UST: variants seen among roughly 807,000 people sequenced by gnomAD.
UST encodes uronyl 2-sulfotransferase, also known as chondroitin sulfate 2-O-sulfotransferase.
In UST, 21 loss-of-function variants were observed where a neutral mutation model predicts 45.6. The ratio of observed to expected loss-of-function variants is 0.46; its 90% CI spans 0.33 to 0.66. The LOEUF is 0.66. Ranked by LOEUF, UST falls within the 30% of genes least tolerant of loss-of-function variation. The pLI is 0.02. For missense variants in UST, 463 were observed against 512.4 expected, an observed-to-expected ratio of 0.90 and a Z score of 0.93; for synonymous variants, 215 against 200.6, an observed-to-expected ratio of 1.07 and a Z score of -0.61.
chr6:148,882,701 G>A (rs776103629), intron 1 of UST, among the ~76,000 whole-genome samples: 11 of 152,256 alleles, frequency 7.2e-5, no homozygotes, highest in Admixed American at 2.6e-4. Context: ...GCCTGTATGG[G>A]TTTGAATTCC....
chr6:148,960,037 C>T (rs530675097), intron 4 of UST, among the ~76,000 whole-genome samples: 1 of 152,090 alleles, frequency 6.6e-6, no homozygotes, highest in East Asian at 1.9e-4. Context: ...ACCTGTAATC[C>T]CAGCACTTTG....
In UST at chr6:148,789,447, TCTCTCTCACACACACA is replaced by T. The variant is rs1370523793; in HGVS notation, c.247+41772_247+41787del. 2.7e-4 allele frequency among the ~76,000 whole-genome samples: 35 copies of T among 130,388 alleles called. No individual in the cohort carries two copies. In the Admixed American group the frequency reaches 2.7e-3, roughly 10 times the overall value. 85.5% of individuals were successfully genotyped at this position (130,388 alleles called of 152,430 possible). The stretch of plus-strand genomic sequence containing the variant: ...GCAGATCTCTCTCTCTCTCTCTCTC[TCTCTCTCACACACACA>T]CACACACACACACACACACACTTTC... On this transcript the variant is annotated intron_variant, in intron 1 of 7. Coordinates refer to ENST00000367463, the MANE Select transcript of UST (RefSeq NM_005715.3).
At chr6:148,874,091 G>A (rs1349750987) in intron 1 of UST, among the ~76,000 whole-genome samples, 2 of 152,242 alleles carry the variant, frequency 1.3e-5, no homozygotes, top group African/African-American at 4.8e-5. Flanking sequence ...TTCCACAGGT[G>A]AGATCAGTTG....
chr6:149,019,267 C>G, intron 6 of UST, 31 bp downstream of exon 6: 1 of 1,556,116 alleles, frequency 6.4e-7, no homozygotes, highest in Middle Eastern at 1.7e-4. Context: ...ATGGCATGCA[C>G]GTACGCACAA....
intron 5 of UST, among the ~76,000 whole-genome samples, chr6:149,000,108 G>T (rs1344223555): frequency 6.6e-6 from 1 of 152,098 alleles, no homozygotes; most frequent in African/African-American, 2.4e-5. Context: ...CCAACAAGAG[G>T]GCCAGACCAG....
chr6:149,064,220 C>T (rs1776699356), intron 7 of UST, among the ~76,000 whole-genome samples: 2 of 152,266 alleles, frequency 1.3e-5, no homozygotes, highest in South Asian at 4.1e-4. Flanking sequence ...AGACTGTGAG[C>T]TCCATCCACT....
chr6:148,827,499 A>T (rs1034168625), intron 1 of UST, among the ~76,000 whole-genome samples: 3 of 151,978 alleles, frequency 2.0e-5, no homozygotes, highest in Admixed American at 2.0e-4. Flanking sequence ...CATGCCTGTA[A>T]TCCCAACTCA....
At chr6:148,882,486 CAA>C (rs397741900) in intron 1 of UST, among the ~76,000 whole-genome samples, 9,256 of 74,020 alleles carry the variant, frequency 0.13, 289 homozygotes, top group East Asian at 0.38. Context: ...AACTCCATCT[CAA>C]AAAAAAAAAA....
rs555918880 is a variant in UST, at chr6:149,001,972, T to TA, written c.682-17159dup. 3.9e-5 allele frequency among the ~76,000 whole-genome samples: 6 copies of TA among 152,202 alleles called. No homozygotes were observed. In the South Asian group the frequency reaches 1.2e-3, roughly 32 times the overall value. ...AAAAAATTTAATCAAGTTTGAATGT[T>TA]AAAAAAAATTTAATGACTTTTCCAT... On this transcript the variant is annotated intron_variant, in intron 5 of 7. Coordinates refer to ENST00000367463, the MANE Select transcript of UST (RefSeq NM_005715.3).
chr6:148,996,324 T>G (rs890542086), intron 5 of UST, among the ~76,000 whole-genome samples: 2 of 152,154 alleles, frequency 1.3e-5, no homozygotes, highest in African/African-American at 2.4e-5. Flanking sequence ...GTTCAAGTGA[T>G]TCTCCTCCCT....
intron 1 of UST, among the ~76,000 whole-genome samples, chr6:148,789,992 T>TTC: frequency 8.6e-6 from 1 of 116,028 alleles, no homozygotes. Flanking sequence ...CAGGATTCTT[T>TTC]TTTTTTTTTT....
chr6:148,970,951 CAG>C (rs1266050286), intron 5 of UST, among the ~76,000 whole-genome samples: 1 of 152,214 alleles, frequency 6.6e-6, no homozygotes, highest in Non-Finnish European at 1.5e-5. Flanking sequence ...CTCACATTTG[CAG>C]AGTCCTTTTT....
intron 5 of UST, among the ~76,000 whole-genome samples, chr6:149,018,197 A>G (rs1196167251): frequency 1.3e-5 from 2 of 152,172 alleles, no homozygotes; most frequent in Admixed American, 6.5e-5. Flanking sequence ...CCCAATTTGA[A>G]CTAAAAAAAT....
chr6:149,039,623 AAGGC>A (rs979048773), intron 7 of UST, among the ~76,000 whole-genome samples: 2 of 152,220 alleles, frequency 1.3e-5, no homozygotes, highest in Non-Finnish European at 2.9e-5. Context: ...TAGCTGGTGC[AAGGC>A]AGAGTCTGTC....
intron 7 of UST, among the ~76,000 whole-genome samples, chr6:149,035,885 T>C (rs1485011454): frequency 6.6e-6 from 1 of 152,200 alleles, no homozygotes; most frequent in Non-Finnish European, 1.5e-5. Flanking sequence ...GGAAAAATAT[T>C]TGTTAGTGAT....
intron 7 of UST, among the ~76,000 whole-genome samples, chr6:149,041,496 T>G (rs977841526): frequency 6.6e-6 from 1 of 152,212 alleles, no homozygotes; most frequent in Non-Finnish European, 1.5e-5. Flanking sequence ...CCCTTGTCCA[T>G]GCCCCTTGCT....
intron 2 of UST, among the ~76,000 whole-genome samples, chr6:148,903,145 T>C (rs946339012): frequency 6.6e-6 from 1 of 152,160 alleles, no homozygotes; most frequent in African/African-American, 2.4e-5. Flanking sequence ...CTTTTTTTGA[T>C]AGAGAATCAC....
chr6:148,837,464 G>A (rs906131335), intron 1 of UST, among the ~76,000 whole-genome samples: 2 of 152,214 alleles, frequency 1.3e-5, no homozygotes, highest in African/African-American at 4.8e-5. Flanking sequence ...AGAGATGTCA[G>A]GCCAGGAATA....
chr6:148,995,892 G>C (rs145482818), intron 5 of UST, among the ~76,000 whole-genome samples: 1 of 152,324 alleles, frequency 6.6e-6, no homozygotes, highest in Non-Finnish European at 1.5e-5. Context: ...TGCAGGCACA[G>C]GGCCCTATTC....
Sources: allele counts gnomAD v4.1 joint callset (sites outside exome capture counted in the v4.1 genomes callset), GRCh38; gene constraint gnomAD v4.1.1; transcripts MANE v1.5; gene names NCBI Gene and HGNC (gene_info 2026-07-23, HGNC 2026-07-21).